ST3GAL3: variants seen among roughly 807,000 people sequenced by gnomAD.
ST3GAL3 encodes ST3 beta-galactoside alpha-2,3-sialyltransferase 3, also known as CMP-N-acetylneuraminate-beta-1,4-galactoside alpha-2,3-sialyltransferase.
ST3GAL3 carries 21 observed loss-of-function variants against 50.1 expected under a neutral mutation model. That is an observed-to-expected ratio of 0.42 (90% CI 0.30 to 0.60). The LOEUF (loss-of-function observed/expected upper bound fraction) is 0.60, where lower values mean the gene tolerates loss of function less well. ST3GAL3 is among the 20% of genes least tolerant of loss of function. The pLI is 0.19. For missense variants in ST3GAL3, 353 were observed against 489.4 expected (o/e 0.72, Z 2.63); for synonymous variants, 183 against 190.0 (o/e 0.96, Z 0.30).
intron 5 of ST3GAL3, among the ~76,000 whole-genome samples, chr1:43,857,571 C>T (rs1299580108): frequency 1.1e-5 from 1 of 88,000 alleles, no homozygotes; most frequent in Non-Finnish European, 2.5e-5. Flanking sequence ...TTCCTTCTTT[C>T]TTTCCTTCCT....
intron 2 of ST3GAL3, chr1:43,772,204 C>T (rs1695526662): frequency 1.0e-5 from 4 of 392,182 alleles, no homozygotes; most frequent in Non-Finnish European, 1.8e-5. Flanking sequence ...CATGCACCAC[C>T]ACACCTGGCT....
chr1:43,847,591 T>G (rs1211692481), intron 5 of ST3GAL3, among the ~76,000 whole-genome samples: 4 of 152,182 alleles, frequency 2.6e-5, no homozygotes, highest in African/African-American at 9.7e-5. Flanking sequence ...ATCAAATTCA[T>G]AGAGACAGAA....
intron 6 of ST3GAL3, among the ~76,000 whole-genome samples, chr1:43,898,029 A>G (rs1376387264): frequency 6.6e-6 from 1 of 152,158 alleles, no homozygotes; most frequent in Non-Finnish European, 1.5e-5. Context: ...CCCGGCAGTG[A>G]TATGCCTGTC....
At chr1:43,807,694 C>T (rs1013738949) in intron 3 of ST3GAL3, among the ~76,000 whole-genome samples, 4 of 151,750 alleles carry the variant, frequency 2.6e-5, no homozygotes, top group South Asian at 2.1e-4. Context: ...CTGGCTTGGC[C>T]GAGAAGAGTA....
rs2080349945 is a variant in ST3GAL3 at position 43,909,183 on chromosome 1, T to C, written c.744+9456T>C. 2.0e-5 allele frequency among the ~76,000 whole-genome samples: 3 copies of C among 152,218 alleles called. No homozygotes were observed. The South Asian group carries it at 6.2e-4, about 31-fold the overall frequency. ...GAAACTGAGGCCCAGAGTGCAACAG[T>C]ACCTTCGAGGAGAGTCAGGATTCTA... On this transcript the variant is annotated intron_variant, in intron 9 of 11. Transcript: ENST00000347631.
chr1:43,905,431 C>G (rs111214296), intron 9 of ST3GAL3, among the ~76,000 whole-genome samples: 1 of 131,050 alleles, frequency 7.6e-6, no homozygotes, highest in Non-Finnish European at 1.6e-5. Flanking sequence ...TTTTCCTCCC[C>G]CTCGTCCTGC....
intron 4 of ST3GAL3, among the ~76,000 whole-genome samples, chr1:43,836,649 G>C (rs1205057609): frequency 6.6e-6 from 1 of 152,244 alleles, no homozygotes; most frequent in African/African-American, 2.4e-5. Flanking sequence ...TTTGGCAGCA[G>C]GCCCAAGGGT....
intron 5 of ST3GAL3, chr1:43,840,497 AC>A (rs1394980384): frequency 6.6e-6 from 1 of 152,012 alleles, no homozygotes; most frequent in African/African-American, 2.4e-5. Flanking sequence ...CAAAAGTCCT[AC>A]TGTGGTCCTG....
At chr1:43,791,021 C>T (rs1013274639) in intron 2 of ST3GAL3, among the ~76,000 whole-genome samples, 3 of 152,132 alleles carry the variant, frequency 2.0e-5, no homozygotes, top group African/African-American at 7.2e-5. Context: ...ATTTCAGTTG[C>T]TCTGGAGCAC....
chr1:43,915,403 A>G (rs924917399), intron 9 of ST3GAL3, among the ~76,000 whole-genome samples: 4 of 152,206 alleles, frequency 2.6e-5, no homozygotes, highest in African/African-American at 9.7e-5. Context: ...TGTAAGCTAA[A>G]TACGCGTGAT....
chr1:43,860,774 G>C (rs886457206), intron 5 of ST3GAL3, among the ~76,000 whole-genome samples: 1 of 152,200 alleles, frequency 6.6e-6, no homozygotes, highest in African/African-American at 2.4e-5. Context: ...AGGGATGTAG[G>C]CTATGTGGGT....
chr1:43,843,167 G>A (rs2065691424), intron 5 of ST3GAL3, among the ~76,000 whole-genome samples: 1 of 152,224 alleles, frequency 6.6e-6, no homozygotes, highest in East Asian at 1.9e-4. Context: ...CCCAGTCTTA[G>A]GAGGAAAAGA....
At chr1:43,844,560 G>T (rs1039861346) in intron 5 of ST3GAL3, among the ~76,000 whole-genome samples, 1 of 152,050 alleles carries the variant, frequency 6.6e-6, no homozygotes, top group Admixed American at 6.6e-5. Context: ...GCCTGTAATC[G>T]CAGCACTTTG....
At chr1:43,772,954 G>A (rs534868818) in intron 2 of ST3GAL3, among the ~76,000 whole-genome samples, 210 of 152,180 alleles carry the variant, frequency 1.4e-3, no homozygotes, top group African/African-American at 4.9e-3. Context: ...TCACCATGTT[G>A]GCCAGGATGG....
chr1:43,839,612 C>T (rs2065017928), intron 5 of ST3GAL3: 1 of 152,200 alleles, frequency 6.6e-6, no homozygotes, highest in South Asian at 2.1e-4. Context: ...GGGAACATAA[C>T]TGTATTTAAT....
intron 5 of ST3GAL3, among the ~76,000 whole-genome samples, chr1:43,854,445 TCCC>T (rs1173306343): frequency 1.3e-5 from 2 of 152,178 alleles, no homozygotes; most frequent in Non-Finnish European, 2.9e-5. Flanking sequence ...TTGTTCAAAC[TCCC>T]TCCCAGTTCT....
Position 43,812,273 on chromosome 1 carries a change from G to A in ST3GAL3, c.167-2618G>A, listed in dbSNP as rs116272828. On this transcript the variant is annotated intron_variant, in intron 3 of 11. Coordinates refer to ENST00000347631, the MANE Select transcript of ST3GAL3 (RefSeq NM_006279.5). The stretch of plus-strand genomic sequence containing the variant: ...AAAAAATCTGAAGATGTGGTAATGC[G>A]GGGCCTGCGTTGCTGCCTGGCACAG... Among the ~76,000 whole-genome samples the A allele has an allele frequency of 2.6e-3, 391 of 152,208 alleles. 3 individuals carry two copies. The highest frequency in any genetic ancestry group is 9.0e-3 in the African/African-American group (375 of 41,532).
chr1:43,896,096 T>A (rs947314554), intron 6 of ST3GAL3, among the ~76,000 whole-genome samples: 1 of 152,114 alleles, frequency 6.6e-6, no homozygotes, highest in Non-Finnish European at 1.5e-5. Context: ...GAACATTGCT[T>A]AAAGGTTTGT....
chr1:43,766,546 G>T (rs532118856), intron 2 of ST3GAL3, among the ~76,000 whole-genome samples: 55 of 152,120 alleles, frequency 3.6e-4, no homozygotes, highest in Non-Finnish European at 5.1e-4. Context: ...CAGAGTACTC[G>T]AAATATTTTG....
Sources: gnomAD v4.1 joint callset for allele counts (sites outside exome capture counted in the v4.1 genomes callset) on GRCh38, gnomAD v4.1.1 for gene constraint, MANE v1.5 for transcripts, NCBI Gene and HGNC (gene_info 2026-07-23, HGNC 2026-07-21) for gene names.